The following GPC6 variants were observed in gnomAD, a reference collection of about 807,000 sequenced individuals.
The protein encoded by GPC6 is glypican-6.
GPC6 carries 14 observed loss-of-function variants against 55.2 expected under a neutral mutation model. That is an observed-to-expected ratio of 0.25 (90% CI 0.17 to 0.40). The LOEUF (loss-of-function observed/expected upper bound fraction) is 0.40, where lower values mean the gene tolerates loss of function less well. Among genes scored for constraint, GPC6 ranks in the 10% least tolerant of loss-of-function variants. The pLI, the probability that GPC6 is intolerant of heterozygous loss-of-function variation, is 1.00. For missense variants in GPC6, 641 were observed against 708.5 expected, an observed-to-expected ratio of 0.90 and a Z score of 1.08; for synonymous variants, 278 against 259.6, an observed-to-expected ratio of 1.07 and a Z score of -0.68.
At chr13:93,449,352 G>A (rs1878127948) in intron 1 of GPC6, among the ~76,000 whole-genome samples, 1 of 152,192 alleles carries the variant, frequency 6.6e-6, no homozygotes, top group African/African-American at 2.4e-5. Flanking sequence ...GAATTAAGGT[G>A]TGAAACGCAG....
chr13:93,760,276 A>G (rs1884915511), intron 2 of GPC6, among the ~76,000 whole-genome samples: 1 of 152,186 alleles, frequency 6.6e-6, no homozygotes, highest in South Asian at 2.1e-4. Flanking sequence ...TCTCTTGACC[A>G]CCATGTTAAG....
chr13:93,434,352 A>G (rs1691633407), intron 1 of GPC6, among the ~76,000 whole-genome samples: 1 of 152,184 alleles, frequency 6.6e-6, no homozygotes, highest in African/African-American at 2.4e-5. Flanking sequence ...AACCCAGATG[A>G]TAACACATCC....
chr13:93,750,831 C>T (rs1884551542), intron 2 of GPC6, among the ~76,000 whole-genome samples: 1 of 152,166 alleles, frequency 6.6e-6, no homozygotes, highest in Non-Finnish European at 1.5e-5. Context: ...TGCCTTGTTT[C>T]TGAACTACCA....
chr13:93,496,728 T>G (rs1880310683), intron 1 of GPC6, among the ~76,000 whole-genome samples: 1 of 152,210 alleles, frequency 6.6e-6, no homozygotes. Context: ...TTAATCTCTC[T>G]GTGCTTCAGC....
chr13:94,296,582 T>C (rs1875345673), intron 5 of GPC6, among the ~76,000 whole-genome samples: 1 of 152,202 alleles, frequency 6.6e-6, no homozygotes, highest in Non-Finnish European at 1.5e-5. Context: ...TTATCCCAGC[T>C]CTCAGCACTT....
chr13:93,912,451 A>C (rs1594581902), intron 3 of GPC6, among the ~76,000 whole-genome samples: 2 of 152,252 alleles, frequency 1.3e-5, no homozygotes, highest in East Asian at 3.9e-4. Flanking sequence ...GGCTCAAAAC[A>C]AGACAAATTC....
chr13:94,030,884 G>A (rs1005695144), intron 4 of GPC6, among the ~76,000 whole-genome samples: 19 of 152,206 alleles, frequency 1.2e-4, no homozygotes, highest in Non-Finnish European at 1.5e-5. Context: ...TTAATTGAAA[G>A]TGGTTAGTGA....
chr13:93,680,125 G>A (rs1010536527), intron 2 of GPC6, among the ~76,000 whole-genome samples: 1 of 152,136 alleles, frequency 6.6e-6, no homozygotes, highest in Non-Finnish European at 1.5e-5. Context: ...CTGGAGATAG[G>A]ATGTTTACAG....
At chr13:93,608,015 C>T (rs1594307393) in intron 2 of GPC6, among the ~76,000 whole-genome samples, 1 of 129,882 alleles carries the variant, frequency 7.7e-6, no homozygotes. Flanking sequence ...CTCTTTGGAG[C>T]CACTCCTGTG....
intron 2 of GPC6, among the ~76,000 whole-genome samples, chr13:93,783,830 C>T (rs1253006059): frequency 1.3e-5 from 2 of 152,150 alleles, no homozygotes; most frequent in East Asian, 3.8e-4. Flanking sequence ...TGTTCCCTCT[C>T]CTAGAATAAT....
In GPC6 at chr13:94,229,013, T is replaced by C. The variant is rs142311097; in HGVS notation, c.878-57336T>C. Among the ~76,000 whole-genome samples the C allele has an allele frequency of 1.7e-3, 263 of 152,308 alleles. 2 individuals carry two copies. Among genetic ancestry groups the C allele is most frequent in the African/African-American group, 5.8e-3 (243 of 41,568 alleles). ...AATATGGTAATGTGAAACACTATCA[T>C]ATCTGGTGGGAACTGGAATATGCTT... On this transcript the variant is annotated intron_variant, in intron 4 of 8. Transcript: ENST00000377047.
chr13:94,034,248 G>GGAAA (rs1197832622), intron 4 of GPC6, among the ~76,000 whole-genome samples: 27 of 92,662 alleles, frequency 2.9e-4, no homozygotes, highest in African/African-American at 9.7e-4. Flanking sequence ...AAGGAAGGAA[G>GGAAA]GAAAGAAAGA....
At chr13:94,394,527 T>G (rs1880811662) in intron 7 of GPC6, among the ~76,000 whole-genome samples, 1 of 152,188 alleles carries the variant, frequency 6.6e-6, no homozygotes, top group Non-Finnish European at 1.5e-5. Flanking sequence ...TATCTATTCT[T>G]GCAGGACAGG....
At chr13:93,633,002 C>T (rs1219759250) in intron 2 of GPC6, among the ~76,000 whole-genome samples, 1 of 152,116 alleles carries the variant, frequency 6.6e-6, no homozygotes, top group Non-Finnish European at 1.5e-5. Flanking sequence ...ATTTTGTTGA[C>T]AATTTTCAAT....
At chr13:94,395,596 A>G (rs1183437313) in intron 7 of GPC6, among the ~76,000 whole-genome samples, 2 of 152,200 alleles carry the variant, frequency 1.3e-5, no homozygotes, top group African/African-American at 4.8e-5. Context: ...TTCTCTGTGT[A>G]GTTCTTCTTT....
intron 1 of GPC6, among the ~76,000 whole-genome samples, chr13:93,335,803 A>G (rs1235092300): frequency 3.3e-5 from 5 of 152,124 alleles, no homozygotes; most frequent in African/African-American, 1.2e-4. Flanking sequence ...TTCCTATAGC[A>G]TATGTGCATT....
chr13:93,796,261 A>T (rs550597859), intron 2 of GPC6, among the ~76,000 whole-genome samples: 1 of 152,238 alleles, frequency 6.6e-6, no homozygotes, highest in South Asian at 2.1e-4. Flanking sequence ...GCAGTCTAGT[A>T]ATTGGATTTT....
intron 2 of GPC6, among the ~76,000 whole-genome samples, chr13:93,635,748 T>C (rs1258056834): frequency 2.6e-5 from 4 of 152,312 alleles, no homozygotes; most frequent in South Asian, 4.1e-4. Flanking sequence ...AGTTTTGATA[T>C]CACAGGGAAA....
intron 6 of GPC6, among the ~76,000 whole-genome samples, chr13:94,316,561 C>CA: frequency 6.6e-6 from 1 of 151,636 alleles, no homozygotes; most frequent in East Asian, 1.9e-4. Context: ...ACTAAAAATA[C>CA]AAAAAATTAG....
Sources: allele counts gnomAD v4.1 joint callset (sites outside exome capture counted in the v4.1 genomes callset), GRCh38; gene constraint gnomAD v4.1.1; transcripts MANE v1.5; gene names NCBI Gene and HGNC (gene_info 2026-07-23, HGNC 2026-07-21).